Variants in EIF3K observed in about 807,000 individuals in gnomAD.
EIF3K encodes the protein eukaryotic translation initiation factor 3 subunit K.
EIF3K carries 27 observed loss-of-function variants against 34.2 expected under a neutral mutation model. The ratio of observed to expected loss-of-function variants is 0.79; its 90% CI spans 0.58 to 1.09. The LOEUF (loss-of-function observed/expected upper bound fraction) is 1.09, where lower values mean the gene tolerates loss of function less well. EIF3K is among the 50% of genes least tolerant of loss of function. The pLI is 0.00. For missense variants in EIF3K, 232 were observed against 275.4 expected, an observed-to-expected ratio of 0.84 and a Z score of 1.11; for synonymous variants, 105 against 105.7, an observed-to-expected ratio of 0.99 and a Z score of 0.04.
intron 3 of EIF3K, among the ~76,000 whole-genome samples, 197 bp from the exon 4 acceptor site, chr19:38,625,831 A>G (rs1230376115): frequency 6.6e-6 from 1 of 152,200 alleles, no homozygotes; most frequent in Admixed American, 6.5e-5. Flanking sequence ...ATCTTTTGCC[A>G]TTACAAACAG....
At chr19:38,635,741 T>TACGGC in intron 7 of EIF3K, 1 of 152,488 alleles carries the variant, frequency 6.6e-6, no homozygotes, top group Non-Finnish European at 1.5e-5. Context: ...ATGTTCATTA[T>TACGGC]GACCATCGTC....
intron 2 of EIF3K, among the ~76,000 whole-genome samples, chr19:38,621,177 C>T (rs1975832204): frequency 7.0e-6 from 1 of 142,168 alleles, no homozygotes; most frequent in Non-Finnish European, 1.5e-5. Context: ...GCCTGGGGGA[C>T]AGAGTGAGAC....
intron 6 of EIF3K, 129 bp downstream of exon 6, chr19:38,632,807 G>A: frequency 2.6e-6 from 2 of 768,892 alleles, no homozygotes; most frequent in Non-Finnish European, 4.1e-6. Context: ...AGCCCAAGGA[G>A]GAAATAAGAA....
chr19:38,625,652 GGCACGT>G (rs1357895179), intron 3 of EIF3K, among the ~76,000 whole-genome samples: 8 of 150,980 alleles, frequency 5.3e-5, no homozygotes, highest in Non-Finnish European at 1.2e-4. Context: ...TGGGACTATA[GGCACGT>G]GCCACCACAC....
chr19:38,624,284 G>A (rs1038796053), intron 3 of EIF3K, 87 bp downstream of exon 3: 3 of 1,571,878 alleles, frequency 1.9e-6, no homozygotes, highest in South Asian at 2.3e-5. Context: ...GTCTGTGGGT[G>A]TATCCACAAA....
intron 6 of EIF3K, among the ~76,000 whole-genome samples, chr19:38,634,090 CTTTTT>C (rs757394196): frequency 2.3e-5 from 2 of 86,036 alleles, no homozygotes; most frequent in African/African-American, 1.1e-4. Flanking sequence ...TAAAAGCTAA[CTTTTT>C]TTTTTTTTTT....
At chr19:38,631,853 C>G (rs1474208885) in intron 4 of EIF3K, among the ~76,000 whole-genome samples, 1 of 152,192 alleles carries the variant, frequency 6.6e-6, no homozygotes, top group Non-Finnish European at 1.5e-5. Flanking sequence ...GTGGTGATGA[C>G]TCTCAAGGAG....
intron 2 of EIF3K, among the ~76,000 whole-genome samples, chr19:38,621,807 T>G (rs1250939064): frequency 6.6e-6 from 1 of 152,186 alleles, no homozygotes; most frequent in Admixed American, 6.6e-5. Context: ...GGCTGCAGTT[T>G]GTTGTCATGG....
Position 38,620,362 on chromosome 19 carries a change from C to A in EIF3K, c.85C>A (p.Leu29Met). The A allele has an allele frequency of 6.2e-7, 1 of 1,614,042 alleles. No homozygotes were observed. Among genetic ancestry groups the A allele is most frequent in the Non-Finnish European group, 8.5e-7 (1 of 1,179,998 alleles). Reference protein sequence around the residue: ...DRYNPENLATLERYVETQAKE... With the variant: ...DRYNPENLATMERYVETQAKE... ...GTACAATCCTGAGAACCTGGCCACC[C>A]TGGAGCGCTATGTAGAGACGCAGGC... The change falls in exon 2 of 8, where the codon CTG becomes ATG. Residue 29 changes from leucine to methionine, a missense_variant. Leu to Met is a conservative substitution (Grantham distance 15). Coordinates refer to ENST00000248342, the MANE Select transcript of EIF3K (RefSeq NM_013234.4).
chr19:38,631,170 A>C (rs934443419), intron 4 of EIF3K, among the ~76,000 whole-genome samples: 3 of 152,116 alleles, frequency 2.0e-5, no homozygotes, highest in Admixed American at 2.0e-4. Context: ...CACACCTGGG[A>C]GTGTTTCTCG....
chr19:38,632,209 A>C, intron 4 of EIF3K: 1 of 517,152 alleles, frequency 1.9e-6, no homozygotes, highest in Non-Finnish European at 3.5e-6. Context: ...TGAGCCCAGG[A>C]GTTTGAGATC....
intron 6 of EIF3K, among the ~76,000 whole-genome samples, chr19:38,634,092 T>G (rs925871877): frequency 1.0e-5 from 1 of 98,986 alleles, no homozygotes; most frequent in Admixed American, 9.8e-5. Flanking sequence ...AAAGCTAACT[T>G]TTTTTTTTTT....
At chr19:38,619,446 C>A (rs1202620893) in intron 1 of EIF3K, 119 bp downstream of exon 1, 6 of 1,121,042 alleles carry the variant, frequency 5.4e-6, no homozygotes, top group Non-Finnish European at 6.5e-6. Context: ...TCTCTATCCT[C>A]CTGGAGGAGG....
At chr19:38,621,559 C>G (rs1459725607) in intron 2 of EIF3K, among the ~76,000 whole-genome samples, 2 of 152,188 alleles carry the variant, frequency 1.3e-5, no homozygotes, top group Non-Finnish European at 1.5e-5. Context: ...CTCTTTGCCC[C>G]CTATGCTCTA....
chr19:38,626,502 T>C (rs1379294064), intron 4 of EIF3K, among the ~76,000 whole-genome samples: 1 of 151,984 alleles, frequency 6.6e-6, no homozygotes, highest in Non-Finnish European at 1.5e-5. Context: ...AAATTGAAAA[T>C]TAATTGGGTG....
At chr19:38,630,169 T>C (rs78964281) in intron 4 of EIF3K, among the ~76,000 whole-genome samples, 3 of 151,572 alleles carry the variant, frequency 2.0e-5, no homozygotes, top group Non-Finnish European at 4.4e-5. Context: ...TTTTTTTTTT[T>C]CTGAAATGGA....
chr19:38,622,706 C>CGCTATGG (rs980480138), intron 2 of EIF3K, among the ~76,000 whole-genome samples: 26 of 152,314 alleles, frequency 1.7e-4, no homozygotes, highest in African/African-American at 6.3e-4. Context: ...CTATGGGAGA[C>CGCTATGG]GAGTTTATTT....
chr19:38,635,257 C>T, intron 7 of EIF3K, 139 bp downstream of exon 7: 2 of 1,277,154 alleles, frequency 1.6e-6, no homozygotes, highest in Middle Eastern at 2.5e-4. Flanking sequence ...ATTCCATTCA[C>T]CTTGTGTCTT....
intron 7 of EIF3K, among the ~76,000 whole-genome samples, 160 bp from the exon 8 acceptor site, chr19:38,636,729 C>T (rs1326130485): frequency 6.6e-6 from 1 of 152,126 alleles, no homozygotes; most frequent in Admixed American, 6.6e-5. Context: ...CTCCAGAGTC[C>T]ATCTTTTTAA....
Sources: allele counts gnomAD v4.1 joint callset (sites outside exome capture counted in the v4.1 genomes callset), GRCh38; gene constraint gnomAD v4.1.1; transcripts MANE v1.5; gene names NCBI Gene and HGNC (gene_info 2026-07-23, HGNC 2026-07-21).